Variants in MINDY1 observed in about 807,000 individuals in gnomAD.
MINDY1 encodes MINDY lysine 48 deubiquitinase 1, also known as ubiquitin carboxyl-terminal hydrolase MINDY-1.
MINDY1 carries 50 observed loss-of-function variants against 53.6 expected under a neutral mutation model. The observed-to-expected ratio is 0.93, with a 90% confidence interval of 0.74 to 1.18. MINDY1 has a LOEUF of 1.18. Ranked by LOEUF, MINDY1 falls within the 50% of genes most tolerant of loss-of-function variation. MINDY1 has a pLI of 0.00. For missense variants in MINDY1, 484 were observed against 578.6 expected (o/e 0.84, Z 1.68); for synonymous variants, 231 against 234.7 (o/e 0.98, Z 0.14).
chr1:150,996,705 G>C (rs1255796028), downstream of MINDY1: 1 of 151,938 alleles, frequency 6.6e-6, no homozygotes, highest in African/African-American at 2.4e-5. Flanking sequence ...ATGACGCCCA[G>C]CTAATTTCTT....
At chr1:151,003,852 C>T (rs1031184835) in intron 1 of MINDY1, among the ~76,000 whole-genome samples, 2 of 152,216 alleles carry the variant, frequency 1.3e-5, no homozygotes, top group African/African-American at 4.8e-5. Flanking sequence ...TATTAATTTA[C>T]ATAACAATAC....
At chr1:151,003,005 G>A in intron 1 of MINDY1, 1 of 1,145,288 alleles carries the variant, frequency 8.7e-7, no homozygotes, top group Middle Eastern at 3.7e-4. Context: ...AGGAAAGACA[G>A]AGAGAAAGGG....
At position 150,999,531 on chromosome 1, in the gene MINDY1, CG is replaced by C; in HGVS notation, c.839-21del. 2 of 1,612,742 alleles carry C rather than the reference CG, an allele frequency of 1.2e-6. No individual in the cohort carries two copies. Among genetic ancestry groups the C allele is most frequent in the African/African-American group, 2.7e-5 (2 of 74,978 alleles). ...TCAGGCCTGCCAGAAAGGGACGAGT[CG>C]GGGGAAACTTGGCTTAAATTCAAGG... On this transcript the variant is annotated intron_variant, in intron 6 of 9. Coordinates refer to ENST00000683666, the MANE Select transcript of MINDY1 (RefSeq NM_001376665.1). The surrounding 1 kb of genome is among the most constrained non-coding windows in gnomAD (Gnocchi z 4.4).
rs1156312832 is a variant in MINDY1 at position 151,002,651 on chromosome 1, G to A, written c.-34C>T. On this transcript the variant is annotated 5_prime_UTR_variant, in exon 2 of 10. Coordinates refer to ENST00000683666, the MANE Select transcript of MINDY1 (RefSeq NM_001376665.1). This position sits in a 1 kb window ranked among gnomAD's most constrained non-coding sequence, Gnocchi z 4.1. ...GGGACTTGGCTGAGGGGCACTGAAG[G>A]TGTTTACTAACCTCAGGGACTTGCC... is the stretch of plus-strand genomic sequence containing the variant. 78 of 1,613,820 alleles carry A rather than the reference G, an allele frequency of 4.8e-5. No individual in the cohort carries two copies. Among genetic ancestry groups the A allele is most frequent in the Non-Finnish European group, 6.4e-5 (76 of 1,179,856 alleles).
intron 1 of MINDY1, among the ~76,000 whole-genome samples, chr1:151,005,003 T>C (rs889116433): frequency 1.3e-5 from 2 of 152,188 alleles, no homozygotes; most frequent in Non-Finnish European, 1.5e-5. Flanking sequence ...CATTTACGTG[T>C]TGTTAATTTA....
Position 151,000,636 on chromosome 1 carries a change from G to A in MINDY1, c.577-21C>T, listed in dbSNP as rs780512919. On this transcript the variant is annotated intron_variant, in intron 4 of 9. Transcript: ENST00000683666. The stretch of plus-strand genomic sequence containing the variant: ...ACATTCTGGGGGTAGAAAAAAAAAT[G>A]ATGGAGATTCTAGCCTTCTCTCCCA... 8.8e-5 allele frequency: 140 copies of A among 1,596,478 alleles called. 4 individuals carry two copies. The South Asian group carries it at 1.6e-3, about 18-fold the overall frequency.
chr1:150,996,965 T>G lies in MINDY1; in HGVS notation c.*322A>C. Reference sequence around the variant, plus strand: ...ATCAGGAGCATCCAGGCAGCAGGGATGGGAAGCAGAAGAGATGCATTCTGG... The same window carrying G: ...ATCAGGAGCATCCAGGCAGCAGGGAGGGGAAGCAGAAGAGATGCATTCTGG... On this transcript the variant is annotated 3_prime_UTR_variant, in exon 10 of 10. Transcript: ENST00000683666. The G allele has an allele frequency of 3.1e-6, 1 of 322,598 alleles. No individual in the cohort carries two copies. Among genetic ancestry groups the G allele is most frequent in the Non-Finnish European group, 5.7e-6 (1 of 174,600 alleles). The allele number at this position is 322,598 out of a possible 1,614,324, so 20.0% of individuals were successfully genotyped here.
chr1:151,002,316 G>A lies in MINDY1; in HGVS notation c.302C>T (p.Pro101Leu). 6.2e-7 allele frequency: 1 copy of A among 1,614,220 alleles called. No homozygotes were observed. The highest frequency in any genetic ancestry group is 1.1e-5 in the South Asian group (1 of 91,084). ...IRACSMPQEL[P>L]QSPRTRQPEP... ...AGGCTGTCGGGTCCTGGGGGACTGA[G>A]GAAGCTCCTGGGGCATGGAGCATGC... The change falls in exon 2 of 10, where the codon CCT becomes CTT. Residue 101 changes from proline (P) to leucine (L), a missense_variant. Pro to Leu is a moderately conservative substitution (Grantham distance 98). Coordinates refer to ENST00000683666, the MANE Select transcript of MINDY1 (RefSeq NM_001376665.1). This position sits in a 1 kb window ranked among gnomAD's most constrained non-coding sequence, Gnocchi z 4.1.
At position 151,006,835 on chromosome 1, in the gene MINDY1, G is replaced by A; in HGVS notation, c.-613C>T. The A allele has an allele frequency of 2.0e-6, 2 of 985,536 alleles. No homozygotes were observed. Among genetic ancestry groups the A allele is most frequent in the Non-Finnish European group, 2.4e-6 (2 of 830,016 alleles). 61.0% of individuals were successfully genotyped at this position (985,536 alleles called of 1,614,324 possible). On this transcript the variant is annotated 5_prime_UTR_variant, in exon 1 of 10. Coordinates refer to ENST00000683666, the MANE Select transcript of MINDY1 (RefSeq NM_001376665.1). ...CAGAGAGGGAGCGAGAAACAGGAGAGAAAAACAACAGACCCTTTCTCTTCC... is the reference window on the plus strand; with the variant it reads ...CAGAGAGGGAGCGAGAAACAGGAGAAAAAAACAACAGACCCTTTCTCTTCC...
In MINDY1 at chr1:151,005,961, C is replaced by T. The variant is rs146536129; in HGVS notation, c.-90+351G>A. 1,329 of 1,120,664 alleles carry T rather than the reference C, an allele frequency of 1.2e-3. 11 individuals are homozygous for T. The African/African-American group carries it at 0.018, about 15-fold the overall frequency. 69.4% of individuals were successfully genotyped at this position (1,120,664 alleles called of 1,614,324 possible). On this transcript the variant is annotated intron_variant, in intron 1 of 9. Transcript: ENST00000683666. ...GGTATGTAGCTTCAAGAAGACACTC[C>T]TTCTCTGTAGGAACAGTTCCCTTAC...
rs1258467825 is a variant in MINDY1 at position 151,006,497 on chromosome 1, G to C, written c.-275C>G. On this transcript the variant is annotated 5_prime_UTR_variant, in exon 1 of 10. Transcript: ENST00000683666. ...CCAGGCTGGGTTGTGGCCACTTCCG[G>C]ACTCACGCCCAGTACTGGGGGCACT... 8.5e-6 allele frequency: 9 copies of C among 1,053,056 alleles called. No homozygotes were observed. Among genetic ancestry groups the C allele is most frequent in the Non-Finnish European group, 1.0e-5 (9 of 870,148 alleles). The allele number at this position is 1,053,056 out of a possible 1,614,324, so 65.2% of individuals were successfully genotyped here.
rs1174763688 is a variant in MINDY1, at chr1:150,997,204, T to C, written c.*83A>G. ...GTCCATAAATAAGTTATCCAGCACA[T>C]CTCAGGGGTGGAGGCGGGGGAGCAA... On this transcript the variant is annotated 3_prime_UTR_variant, in exon 10 of 10. Coordinates refer to ENST00000683666, the MANE Select transcript of MINDY1 (RefSeq NM_001376665.1). The C allele has an allele frequency of 8.7e-6, 12 of 1,377,668 alleles. No homozygotes were observed. The Admixed American group carries it at 1.4e-4, about 16-fold the overall frequency. 85.3% of individuals were successfully genotyped at this position (1,377,668 alleles called of 1,614,324 possible). A position where few individuals can be genotyped will look rare whatever the true frequency, so the allele number is the denominator to read the frequency against.
chr1:150,998,181 G>T lies in MINDY1; in HGVS notation c.1074C>A (p.Cys358Ter), dbSNP rs760957739. Residue 358 changes from cysteine (C) to a stop codon, truncating the protein, a stop_gained, in exon 8 of 10, where the codon TGC (cysteine) becomes TGA (stop). Coordinates refer to ENST00000683666, the MANE Select transcript of MINDY1 (RefSeq NM_001376665.1). LOFTEE classifies it high-confidence loss of function. ...ESLHNVDGDS[C>*]FCDSDFHLSH... ...TCAGGTGAAAGTCAGAGTCACAAAA[G>T]CAGCTGTCTCCATCCACATTGTGCA... 1 of 1,614,118 alleles carries T rather than the reference G, an allele frequency of 6.2e-7. No homozygotes were observed. The highest frequency in any genetic ancestry group is 8.5e-7 in the Non-Finnish European group (1 of 1,180,052).
intron 4 of MINDY1, 63 bp from the exon 5 acceptor site, chr1:151,000,678 T>C: frequency 1.2e-5 from 18 of 1,522,042 alleles, no homozygotes; most frequent in Non-Finnish European, 1.5e-5. Context: ...CACTCCCACC[T>C]GCAGAAATTA....
At chr1:151,001,514 C>A (rs1235347079) in intron 3 of MINDY1, among the ~76,000 whole-genome samples, 200 bp from the exon 4 acceptor site, 2 of 152,242 alleles carry the variant, frequency 1.3e-5, no homozygotes, top group Non-Finnish European at 2.9e-5. Context: ...GGGTCAGATA[C>A]AAAAGCTAAG....
At position 150,997,361 on chromosome 1, in the gene MINDY1, C is replaced by G. The variant is rs773866607; in HGVS notation, c.1336G>C (p.Gly446Arg). The G allele has an allele frequency of 1.9e-6, 3 of 1,599,884 alleles. No homozygotes were observed. In the East Asian group the frequency reaches 6.8e-5, roughly 36 times the overall value. The change falls in exon 10 of 10, where the codon GGA (glycine) becomes CGA (arginine). Residue 446 changes from glycine (G) to arginine (R), a missense_variant. Transcript: ENST00000683666. Reference sequence around the variant, plus strand: ...CCGGCTGGGCGTCCAGATGTGGCTCCTCTCCCCTGTATCGGATTTAACAAT... The same window carrying G: ...CCGGCTGGGCGTCCAGATGTGGCTCGTCTCCCCTGTATCGGATTTAACAAT... ...RTRVLSLQGR[G>R]ATSGRPAGER...
chr1:150,997,360 CCTCTCCCCTGTATCGGATTTAA>C lies in MINDY1; in HGVS notation c.1330-15_1336del. 1 of 1,600,308 alleles carries C rather than the reference CCTCTCCCCTGTATCGGATTTAA, an allele frequency of 6.2e-7. No individual in the cohort carries two copies. Among genetic ancestry groups the C allele is most frequent in the Non-Finnish European group, 8.5e-7 (1 of 1,172,248 alleles). On this transcript the variant is annotated splice_acceptor_variant and splice_polypyrimidine_tract_variant and coding_sequence_variant and intron_variant, in exon 10 of 10. Transcript: ENST00000683666. LOFTEE classifies it high-confidence loss of function. ...CCCGGCTGGGCGTCCAGATGTGGCT[CCTCTCCCCTGTATCGGATTTAA>C]CAATTGGTCACTGAACTTCCTTGGA...
chr1:150,998,976 A>T (rs777924237), intron 7 of MINDY1, among the ~76,000 whole-genome samples: 1 of 152,120 alleles, frequency 6.6e-6, no homozygotes, highest in Non-Finnish European at 1.5e-5. Context: ...CTAGGGGAGG[A>T]TCATACTTTC....
Position 151,004,539 on chromosome 1 carries a change from G to A in MINDY1, c.-90+1773C>T, listed in dbSNP as rs1030710994. Among the ~76,000 whole-genome samples, 15 of 152,014 alleles carry A rather than the reference G, an allele frequency of 9.9e-5. No individual in the cohort carries two copies. In the South Asian group the frequency reaches 1.9e-3, roughly 19 times the overall value. ...GAGGTCAGGAGATCGAGACCATCCTGGCTAACATGGCAAAACGCTGTCTGT... is the reference window on the plus strand; with the variant it reads ...GAGGTCAGGAGATCGAGACCATCCTAGCTAACATGGCAAAACGCTGTCTGT... On this transcript the variant is annotated intron_variant, in intron 1 of 9. Transcript: ENST00000683666.
Sources: gnomAD v4.1 joint callset for allele counts (sites outside exome capture counted in the v4.1 genomes callset) on GRCh38, gnomAD v4.1.1 for gene constraint, Gnocchi (gnomAD v3.1) non-coding constraint, MANE v1.5 for transcripts, NCBI Gene and HGNC (gene_info 2026-07-23, HGNC 2026-07-21) for gene names.